SDK1: variants seen among roughly 807,000 people sequenced by gnomAD.
The protein encoded by SDK1 is sidekick cell adhesion molecule 1.
Under a neutral mutation model 245.5 loss-of-function variants are expected in SDK1, and 157 were observed. That is an observed-to-expected ratio of 0.64 (90% CI 0.56 to 0.73). SDK1 has a LOEUF of 0.73. SDK1 is among the 30% of genes least tolerant of loss of function. The pLI is 0.00. For synonymous variants in SDK1, 1,647 were observed against 1,278.5 expected (o/e 1.29, Z -6.15); for missense variants, 3,583 against 3,002.3 (o/e 1.19, Z -4.52).
intron 1 of SDK1, among the ~76,000 whole-genome samples, chr7:3,565,067 C>G (rs1720114487): frequency 6.6e-6 from 1 of 151,096 alleles, no homozygotes; most frequent in African/African-American, 2.4e-5. Context: ...ACATGACAAT[C>G]CAGGAGACAG....
chr7:3,724,152 A>T (rs1778938120), intron 4 of SDK1, among the ~76,000 whole-genome samples: 1 of 151,934 alleles, frequency 6.6e-6, no homozygotes, highest in East Asian at 2.0e-4. Flanking sequence ...TTTAGTAGAG[A>T]CAGGGTTTCA....
chr7:4,177,639 C>T (rs1191839141), intron 34 of SDK1, among the ~76,000 whole-genome samples: 2 of 152,238 alleles, frequency 1.3e-5, no homozygotes, highest in African/African-American at 4.8e-5. Flanking sequence ...CAGGGGTCTC[C>T]AACCACTTTG....
At chr7:3,711,687 A>C (rs1410066562) in intron 4 of SDK1, among the ~76,000 whole-genome samples, 1 of 152,194 alleles carries the variant, frequency 6.6e-6, no homozygotes, top group East Asian at 1.9e-4. Context: ...CTGTGGCTGT[A>C]GTATCATAAG....
chr7:4,205,707 C>T (rs1196063155), intron 35 of SDK1, among the ~76,000 whole-genome samples, 172 bp from the exon 36 acceptor site: 2 of 152,230 alleles, frequency 1.3e-5, no homozygotes, highest in Admixed American at 6.5e-5. Flanking sequence ...CCACGGATCC[C>T]AGGACATAAC....
chr7:3,887,207 G>A (rs1781357842), intron 5 of SDK1, among the ~76,000 whole-genome samples: 1 of 152,108 alleles, frequency 6.6e-6, no homozygotes, highest in South Asian at 2.1e-4. Context: ...TCCCCTATCT[G>A]AAGCTCAGCA....
chr7:3,362,321 T>C (rs181071800), intron 1 of SDK1, among the ~76,000 whole-genome samples: 1 of 152,226 alleles, frequency 6.6e-6, no homozygotes, highest in East Asian at 1.9e-4. Flanking sequence ...GACTATCTTT[T>C]TGAAGACTTT....
intron 42 of SDK1, among the ~76,000 whole-genome samples, chr7:4,238,005 G>C (rs938984945): frequency 6.6e-6 from 1 of 152,090 alleles, no homozygotes; most frequent in South Asian, 2.1e-4. Context: ...CCTGCCCTCA[G>C]ATTAACTATG....
intron 1 of SDK1, among the ~76,000 whole-genome samples, chr7:3,464,948 T>C (rs1199317796): frequency 6.6e-6 from 1 of 152,138 alleles, no homozygotes; most frequent in Non-Finnish European, 1.5e-5. Context: ...TAGCTTCCAC[T>C]GAGTAGTTTT....
rs71032914 is a variant in SDK1, at chr7:3,906,617, CTTTTTTTTTTTTTTT to C, written c.848-44292_848-44278del. ...CAAGACACAGGTAGCATTTCAGTGT[CTTTTTTTTTTTTTTT>C]TTTTTTTTTTTTTGAGACAGAGTCT... is the stretch of plus-strand genomic sequence containing the variant. On this transcript the variant is annotated intron_variant, in intron 5 of 44. Coordinates refer to ENST00000404826, the MANE Select transcript of SDK1 (RefSeq NM_152744.4). 7.0e-5 allele frequency among the ~76,000 whole-genome samples: 4 copies of C among 57,250 alleles called. No homozygotes were observed. In the South Asian group the frequency reaches 4.1e-3, roughly 59 times the overall value. The allele number at this position is 57,250 out of a possible 152,430, so 37.6% of individuals were successfully genotyped here. A position where few individuals can be genotyped will look rare whatever the true frequency, so the allele number is the denominator to read the frequency against.
At chr7:4,218,790 C>T (rs1184998745) in intron 38 of SDK1, among the ~76,000 whole-genome samples, 1 of 152,144 alleles carries the variant, frequency 6.6e-6, no homozygotes, top group Non-Finnish European at 1.5e-5. Flanking sequence ...TCGGTCCATC[C>T]TGGAAGTACC....
At position 3,463,801 on chromosome 7, in the gene SDK1, G is replaced by A. The variant is rs114645332; in HGVS notation, c.299-155279G>A. Among the ~76,000 whole-genome samples, 582 of 152,198 alleles carry A rather than the reference G, an allele frequency of 3.8e-3. 4 individuals carry two copies. Among genetic ancestry groups the A allele is most frequent in the African/African-American group, 0.013 (555 of 41,540 alleles). On this transcript the variant is annotated intron_variant, in intron 1 of 44. Coordinates refer to ENST00000404826, the MANE Select transcript of SDK1 (RefSeq NM_152744.4). The stretch of plus-strand genomic sequence containing the variant: ...CTTAGTGTCTGATGGCTTTTAACAT[G>A]TTCCCTCCAGGACAGGCCATAGGAG...
intron 4 of SDK1, among the ~76,000 whole-genome samples, chr7:3,718,334 C>CA (rs1465003644): frequency 1.3e-5 from 2 of 151,440 alleles, no homozygotes; most frequent in African/African-American, 4.9e-5. Flanking sequence ...AACCCTGTCT[C>CA]AAAAAAATAA....
At chr7:4,201,827 G>C (rs1783903097) in intron 35 of SDK1, among the ~76,000 whole-genome samples, 1 of 152,126 alleles carries the variant, frequency 6.6e-6, no homozygotes, top group Admixed American at 6.5e-5. Flanking sequence ...CAGACACCCA[G>C]CATGGCATGG....
At position 3,974,410 on chromosome 7, in the gene SDK1, G is replaced by A. The variant is rs763997228; in HGVS notation, c.1859G>A (p.Ser620Asn). The A allele has an allele frequency of 1.9e-6, 3 of 1,613,926 alleles. No homozygotes were observed. Among genetic ancestry groups the A allele is most frequent in the Admixed American group, 1.7e-5 (1 of 60,000 alleles). The change falls in exon 13 of 45, where the codon AGC (serine) becomes AAC (asparagine). Residue 620 changes from serine (S) to asparagine (N), a missense_variant. Physicochemically the swap from Ser to Asn is conservative, Grantham distance 46. Coordinates refer to ENST00000404826, the MANE Select transcript of SDK1 (RefSeq NM_152744.4). The stretch of plus-strand genomic sequence containing the variant: ...GACAACGTGGCCCTGACTCCATCGA[G>A]CACGTCTAGGATCGTGGTGGAGAAG... ...KKDNVALTPS[S>N]TSRIVVEKDG...
At chr7:4,215,329 G>A (rs1784733485) in intron 38 of SDK1, among the ~76,000 whole-genome samples, 1 of 152,220 alleles carries the variant, frequency 6.6e-6, no homozygotes. Context: ...CCCTTCTCCT[G>A]AGTCCAGGCC....
At chr7:3,995,051 C>G (rs540705346) in intron 14 of SDK1, among the ~76,000 whole-genome samples, 1 of 152,174 alleles carries the variant, frequency 6.6e-6, no homozygotes, top group African/African-American at 2.4e-5. Flanking sequence ...TAGAGGTTCT[C>G]GTTCCCTGAA....
intron 35 of SDK1, among the ~76,000 whole-genome samples, chr7:4,188,560 T>C (rs1364030311): frequency 6.6e-6 from 1 of 152,176 alleles, no homozygotes; most frequent in African/African-American, 2.4e-5. Flanking sequence ...TAAGTGGTTG[T>C]GTGCTCAAAC....
chr7:3,899,005 C>G (rs1345401965), intron 5 of SDK1, among the ~76,000 whole-genome samples: 2 of 152,160 alleles, frequency 1.3e-5, no homozygotes, highest in African/African-American at 2.4e-5. Context: ...CAGTCCATAT[C>G]TACCTCATTT....
chr7:3,737,411 T>C (rs1266329861), intron 4 of SDK1, among the ~76,000 whole-genome samples: 3 of 152,238 alleles, frequency 2.0e-5, no homozygotes, highest in Non-Finnish European at 4.4e-5. Context: ...TCAGGGTCTC[T>C]GGCTGATTTC....
Sources: gnomAD v4.1 joint callset for allele counts (sites outside exome capture counted in the v4.1 genomes callset) on GRCh38, gnomAD v4.1.1 for gene constraint, MANE v1.5 for transcripts, NCBI Gene and HGNC (gene_info 2026-07-23, HGNC 2026-07-21) for gene names.